Variants in ZBTB20 observed in about 807,000 individuals in gnomAD.
ZBTB20 encodes zinc finger and BTB domain containing 20.
Under a neutral mutation model 56.9 loss-of-function variants are expected in ZBTB20, and 9 were observed. The ratio of observed to expected loss-of-function variants is 0.16; its 90% CI spans 0.10 to 0.28. The LOEUF (loss-of-function observed/expected upper bound fraction) is 0.28, where lower values mean the gene tolerates loss of function less well. ZBTB20 is among the 10% of genes least tolerant of loss of function. The pLI is 1.00. For synonymous variants in ZBTB20, 417 were observed against 420.7 expected (o/e 0.99, Z 0.11); for missense variants, 655 against 1,003.0 (o/e 0.65, Z 4.69).
At chr3:114,527,992 A>ATTT (rs35884469) in intron 6 of ZBTB20, among the ~76,000 whole-genome samples, 1 of 142,474 alleles carries the variant, frequency 7.0e-6, no homozygotes, top group Non-Finnish European at 1.5e-5. Flanking sequence ...TCCCTTCATA[A>ATTT]TTTTTTTTTT....
At chr3:114,626,392 C>T (rs186719381) in intron 6 of ZBTB20, among the ~76,000 whole-genome samples, 1 of 152,192 alleles carries the variant, frequency 6.6e-6, no homozygotes, top group African/African-American at 2.4e-5. Flanking sequence ...ACCCTTATCT[C>T]AGCAGTACCT....
At chr3:114,982,834 A>G (rs1289889875) in intron 2 of ZBTB20, among the ~76,000 whole-genome samples, 2 of 151,922 alleles carry the variant, frequency 1.3e-5, no homozygotes, top group Non-Finnish European at 2.9e-5. Context: ...TTTTTTTTAC[A>G]TTAGACCTAT....
Position 114,316,534 on chromosome 3 carries a change from AGTGT to A in ZBTB20, c.*22467_*22470del. On this transcript the variant is annotated 3_prime_UTR_variant, in exon 12 of 12. Coordinates refer to ENST00000675478, the MANE Select transcript of ZBTB20 (RefSeq NM_001348800.3). ...TATATATATGTGGATACATATAGGA[AGTGT>A]GTATACATTTATACATAATATAGTG... is the stretch of plus-strand genomic sequence containing the variant. The A allele has an allele frequency of 1.9e-6, 1 of 533,642 alleles. No individual in the cohort carries two copies. Among genetic ancestry groups the A allele is most frequent in the Middle Eastern group, 3.2e-4 (1 of 3,096 alleles). The allele number at this position is 533,642 out of a possible 1,614,324, so 33.1% of individuals were successfully genotyped here. A position where few individuals can be genotyped will look rare whatever the true frequency, so the allele number is the denominator to read the frequency against.
chr3:114,390,472 C>A (rs1470906158), intron 7 of ZBTB20, among the ~76,000 whole-genome samples: 1 of 152,184 alleles, frequency 6.6e-6, no homozygotes, highest in Non-Finnish European at 1.5e-5. Flanking sequence ...AGGCTCTAAC[C>A]CTGAGGACAC....
intron 4 of ZBTB20, among the ~76,000 whole-genome samples, chr3:114,897,407 T>C (rs1283653578): frequency 6.6e-6 from 1 of 152,010 alleles, no homozygotes; most frequent in Non-Finnish European, 1.5e-5. Context: ...AAAAAGAAAT[T>C]ATATCTAGTC....
intron 4 of ZBTB20, among the ~76,000 whole-genome samples, chr3:114,810,200 C>A (rs2072417614): frequency 1.3e-5 from 2 of 152,170 alleles, no homozygotes; most frequent in East Asian, 3.9e-4. Flanking sequence ...AGCCTTAGGT[C>A]TTCCCCAGAG....
At chr3:114,761,339 T>C (rs558390185) in intron 5 of ZBTB20, among the ~76,000 whole-genome samples, 219 of 152,272 alleles carry the variant, frequency 1.4e-3, no homozygotes, top group African/African-American at 4.6e-3. Flanking sequence ...TAGTATCTCA[T>C]TTAATTCCCA....
chr3:114,493,471 G>A (rs2042957237), intron 7 of ZBTB20, among the ~76,000 whole-genome samples: 1 of 152,084 alleles, frequency 6.6e-6, no homozygotes, highest in South Asian at 2.1e-4. Context: ...ACTGTCCTTA[G>A]GATAAACACA....
At chr3:114,478,432 A>T (rs1375923807) in intron 7 of ZBTB20, among the ~76,000 whole-genome samples, 3 of 152,238 alleles carry the variant, frequency 2.0e-5, no homozygotes, top group Non-Finnish European at 4.4e-5. Context: ...TCTAGCAAAC[A>T]ATTTTAGAGA....
At chr3:114,547,004 G>A (rs1241783942) in intron 6 of ZBTB20, among the ~76,000 whole-genome samples, 1 of 152,128 alleles carries the variant, frequency 6.6e-6, no homozygotes, top group Non-Finnish European at 1.5e-5. Flanking sequence ...AAGAGTAGGG[G>A]GTAACTACAG....
At chr3:114,971,136 T>C (rs536520173) in intron 3 of ZBTB20, among the ~76,000 whole-genome samples, 15 of 152,336 alleles carry the variant, frequency 9.8e-5, no homozygotes, top group African/African-American at 3.6e-4. Context: ...ATAAAACATA[T>C]TTACTTTTTT....
rs769253978 is a variant in ZBTB20, at chr3:114,339,115, C to T, written c.2116G>A (p.Val706Met). ...GTGGTCCCCTCCGTGCAGGCCACCA[C>T]GCCTGGGGGGCCAGCGCGGGCACCT... ...PPGARAGPPG[V>M]VACTEGTTYV... is the part of the protein sequence containing the mutation. Residue 706 changes from valine (V) to methionine (M), a missense_variant, in exon 12 of 12, where the codon GTG becomes ATG. This residue lies in a region of ZBTB20 where 89 missense variants were observed against 79.7 expected (regional missense o/e 1.12). Transcript: ENST00000675478. This position sits in a 1 kb window ranked among gnomAD's most constrained non-coding sequence, Gnocchi z 4.2. 26 of 1,608,922 alleles carry T rather than the reference C, an allele frequency of 1.6e-5. No homozygotes were observed. The highest frequency in any genetic ancestry group is 1.1e-4 in the East Asian group (5 of 44,856).
chr3:114,413,546 A>G (rs2088204340), intron 7 of ZBTB20, among the ~76,000 whole-genome samples: 1 of 152,130 alleles, frequency 6.6e-6, no homozygotes, highest in Admixed American at 6.6e-5. Flanking sequence ...TGTCCCTGTG[A>G]TCAGAAAATG....
intron 6 of ZBTB20, among the ~76,000 whole-genome samples, chr3:114,553,880 C>T (rs7632049): frequency 0.019 from 2,839 of 152,186 alleles, 89 homozygotes; most frequent in African/African-American, 0.064. Flanking sequence ...ATTTATCTTC[C>T]TTATAATAGC....
chr3:114,754,061 T>G, intron 5 of ZBTB20, among the ~76,000 whole-genome samples: 1 of 152,148 alleles, frequency 6.6e-6, no homozygotes, highest in East Asian at 1.9e-4. Context: ...ATACATCCTT[T>G]CTAGCCTGTT....
In ZBTB20 at chr3:114,351,420, T is replaced by C. The variant is rs752556619; in HGVS notation, c.658A>G (p.Thr220Ala). 6.2e-7 allele frequency: 1 copy of C among 1,613,156 alleles called. No individual in the cohort carries two copies. The highest frequency in any genetic ancestry group is 8.5e-7 in the Non-Finnish European group (1 of 1,179,976). ...DTPRGTPESG[T>A]SGQSSDTESG... ...TCCGTGTCGCTGCTCTGGCCTGACG[T>C]GCCTGACTCGGGAGTGCCCCGCGGC... Residue 220 changes from threonine (T) to alanine (A), a missense_variant, in exon 11 of 12, where the codon ACG (threonine) becomes GCG (alanine). Physicochemically the swap from Thr to Ala is moderately conservative, Grantham distance 58. Transcript: ENST00000675478.
At chr3:114,963,917 T>G (rs1003651456) in intron 3 of ZBTB20, among the ~76,000 whole-genome samples, 1 of 152,174 alleles carries the variant, frequency 6.6e-6, no homozygotes, top group Non-Finnish European at 1.5e-5. Flanking sequence ...AAACAAATTT[T>G]TAAAGAACCC....
chr3:114,977,516 A>G (rs2078151879), intron 2 of ZBTB20, among the ~76,000 whole-genome samples: 1 of 152,194 alleles, frequency 6.6e-6, no homozygotes, highest in Non-Finnish European at 1.5e-5. Context: ...AGAAGAGGCC[A>G]GGGGAACTTA....
At chr3:115,054,421 T>C (rs1024069826) in intron 2 of ZBTB20, among the ~76,000 whole-genome samples, 1 of 152,122 alleles carries the variant, frequency 6.6e-6, no homozygotes, top group Admixed American at 6.6e-5. Context: ...ATATTAAAAA[T>C]GAAGAACTTA....
Sources: allele counts gnomAD v4.1 joint callset (sites outside exome capture counted in the v4.1 genomes callset), GRCh38; gene constraint gnomAD v4.1.1; regional missense constraint gnomAD v4.1.1; non-coding constraint Gnocchi (gnomAD v3.1); transcripts MANE v1.5; gene names NCBI Gene and HGNC (gene_info 2026-07-23, HGNC 2026-07-21).